The following GTF2IRD2B variants were observed in gnomAD, a reference collection of about 807,000 sequenced individuals.
GTF2IRD2B encodes general transcription factor II-I repeat domain-containing protein 2B.
In GTF2IRD2B, 10 loss-of-function variants were observed where a neutral mutation model predicts 55.6. The observed-to-expected ratio is 0.18, with a 90% CI of 0.11 to 0.31. The LOEUF is 0.31. GTF2IRD2B is among the 10% of genes least tolerant of loss of function. The probability of loss-of-function intolerance (pLI) is 1.00; values close to 1 mark genes in which losing one functional copy is unlikely to be tolerated. For missense variants in GTF2IRD2B, 206 were observed against 802.7 expected, an observed-to-expected ratio of 0.26 and a Z score of 8.98; for synonymous variants, 107 against 320.5, an observed-to-expected ratio of 0.33 and a Z score of 7.12.
At position 75,149,108 on chromosome 7, in the gene GTF2IRD2B, A is replaced by G. The variant is rs1563102649; in HGVS notation, c.2661A>G (p.Ile887Met). 1 of 767,798 alleles carries G rather than the reference A, an allele frequency of 1.3e-6. No homozygotes were observed. Among genetic ancestry groups the G allele is most frequent in the African/African-American group, 1.8e-5 (1 of 56,352 alleles). 47.6% of individuals were successfully genotyped at this position (767,798 alleles called of 1,614,324 possible). The change falls in exon 16 of 16, where the codon ATA (isoleucine) becomes ATG (methionine). Residue 887 changes from isoleucine (I) to methionine (M), a missense_variant. Transcript: ENST00000472837. ...VLKTKYDKVGIPEFYKYLWGS... is the reference protein window; with the variant it reads ...VLKTKYDKVGMPEFYKYLWGS... ...AGACGAAATACGACAAGGTGGGAATACCAGAATTCTACAAGTACCTCTGGG... is the reference window on the plus strand; with the variant it reads ...AGACGAAATACGACAAGGTGGGAATGCCAGAATTCTACAAGTACCTCTGGG...
intron 1 of GTF2IRD2B, among the ~76,000 whole-genome samples, chr7:75,105,208 A>AAC (rs1376123586): frequency 6.6e-6 from 1 of 151,990 alleles, no homozygotes; most frequent in Admixed American, 6.6e-5. Context: ...ACAAAAAACA[A>AAC]AAAAAAAACA....
intron 8 of GTF2IRD2B, among the ~76,000 whole-genome samples, chr7:75,129,795 AG>A (rs1808607479): frequency 6.6e-6 from 1 of 152,216 alleles, no homozygotes; most frequent in Non-Finnish European, 1.5e-5. Flanking sequence ...GGGAAGATGA[AG>A]GGGGTGAGAG....
chr7:75,111,162 T>TC (rs1170066615), intron 2 of GTF2IRD2B, among the ~76,000 whole-genome samples: 2 of 103,814 alleles, frequency 1.9e-5, no homozygotes, highest in East Asian at 6.6e-4. Flanking sequence ...ATGCCTATAG[T>TC]CCCAGCTACT....
intron 4 of GTF2IRD2B, 115 bp from the exon 5 acceptor site, chr7:75,123,021 G>C: frequency 6.5e-7 from 1 of 1,543,154 alleles, no homozygotes; most frequent in South Asian, 1.2e-5. Context: ...TTGCACTCCA[G>C]CCGGGGTGGC....
intron 3 of GTF2IRD2B, among the ~76,000 whole-genome samples, chr7:75,119,996 G>A (rs587683256): frequency 7.7e-6 from 1 of 129,478 alleles, no homozygotes; most frequent in South Asian, 2.2e-4. Flanking sequence ...GGGCGTGGTG[G>A]CAGGCACCTG....
chr7:75,105,102 G>C (rs1554450034), intron 1 of GTF2IRD2B, among the ~76,000 whole-genome samples: 2 of 152,286 alleles, frequency 1.3e-5, no homozygotes, highest in Non-Finnish European at 2.9e-5. Flanking sequence ...GGGCTGAAAT[G>C]GGAGGATCAA....
intron 1 of GTF2IRD2B, among the ~76,000 whole-genome samples, chr7:75,104,854 G>A (rs1435445793): frequency 6.6e-6 from 1 of 152,296 alleles, no homozygotes; most frequent in Non-Finnish European, 1.5e-5. Flanking sequence ...AATTGAGGCT[G>A]CTTTTTCTGA....
At chr7:75,118,331 A>G (rs2115758967) in intron 3 of GTF2IRD2B, among the ~76,000 whole-genome samples, 1 of 151,074 alleles carries the variant, frequency 6.6e-6, no homozygotes, top group African/African-American at 2.4e-5. Flanking sequence ...GTAACTGTCT[A>G]GTGATTTCCA....
intron 1 of GTF2IRD2B, among the ~76,000 whole-genome samples, chr7:75,103,618 G>C (rs1456897500): frequency 6.6e-6 from 1 of 151,824 alleles, no homozygotes; most frequent in Admixed American, 6.6e-5. Context: ...GTGAACTTCT[G>C]ATGTGACCCG....
chr7:75,127,032 AC>A (rs368649521), intron 8 of GTF2IRD2B, among the ~76,000 whole-genome samples: 48 of 149,376 alleles, frequency 3.2e-4, no homozygotes, highest in Non-Finnish European at 5.2e-4. Flanking sequence ...AACAAAAAAA[AC>A]AAAAAAAAGA....
At chr7:75,130,150 CTTCT>C (rs1444921178) in intron 8 of GTF2IRD2B, among the ~76,000 whole-genome samples, 7 of 76,110 alleles carry the variant, frequency 9.2e-5, no homozygotes, top group South Asian at 4.6e-4. Flanking sequence ...TCTTTCTTTC[CTTCT>C]TTCTTTCTTT....
At chr7:75,107,045 T>G (rs1807830050) in intron 1 of GTF2IRD2B, among the ~76,000 whole-genome samples, 1 of 151,882 alleles carries the variant, frequency 6.6e-6, no homozygotes, top group Non-Finnish European at 1.5e-5. Context: ...CTTCCTATCT[T>G]TAGCACACAA....
chr7:75,114,126 G>C (rs587601819), intron 3 of GTF2IRD2B, among the ~76,000 whole-genome samples: 7 of 149,514 alleles, frequency 4.7e-5, no homozygotes, highest in South Asian at 2.1e-4. Flanking sequence ...GATGAGAGAG[G>C]GGAGAATTGA....
intron 2 of GTF2IRD2B, among the ~76,000 whole-genome samples, chr7:75,109,630 C>T (rs2718258): frequency 0.86 from 46,208 of 53,828 alleles, 19,547 homozygotes; most frequent in East Asian, 0.97. Flanking sequence ...CGTGAGCCAC[C>T]GTGTCTGGCT....
intron 8 of GTF2IRD2B, among the ~76,000 whole-genome samples, chr7:75,127,009 AAACAAAAACAAAAAC>A (rs1355024300): frequency 1.1e-5 from 1 of 89,282 alleles, no homozygotes; most frequent in Non-Finnish European, 2.7e-5. Context: ...AAAAAAACAA[AAACAAAAACAAAAAC>A]AAAAAAAACA....
At chr7:75,112,614 A>G (rs1808010180) in intron 3 of GTF2IRD2B, 79 bp downstream of exon 3, 2 of 932,888 alleles carry the variant, frequency 2.1e-6, no homozygotes, top group Non-Finnish European at 3.3e-6. Flanking sequence ...TTTTCTTCTA[A>G]GCTATCATAA....
chr7:75,130,605 G>A (rs1554535300), intron 8 of GTF2IRD2B, among the ~76,000 whole-genome samples: 14 of 151,672 alleles, frequency 9.2e-5, no homozygotes, highest in East Asian at 5.8e-4. Flanking sequence ...AGCCTTCTGA[G>A]TAGCTGGGAT....
chr7:75,116,946 A>G (rs1554451409), intron 3 of GTF2IRD2B, among the ~76,000 whole-genome samples: 1 of 151,208 alleles, frequency 6.6e-6, no homozygotes, highest in Non-Finnish European at 1.5e-5. Context: ...CACCTGGCCC[A>G]TCTTTGCTAT....
At chr7:75,106,652 C>T (rs1584526830) in intron 1 of GTF2IRD2B, among the ~76,000 whole-genome samples, 1 of 87,218 alleles carries the variant, frequency 1.1e-5, no homozygotes, top group Non-Finnish European at 2.4e-5. Flanking sequence ...CCTGTCATCC[C>T]GGCACTTAAG....
Sources: gnomAD v4.1 joint callset for allele counts (sites outside exome capture counted in the v4.1 genomes callset) on GRCh38, gnomAD v4.1.1 for gene constraint, MANE v1.5 for transcripts, NCBI Gene and HGNC (gene_info 2026-07-23, HGNC 2026-07-21) for gene names.